SAMD12: variants seen among roughly 807,000 people sequenced by gnomAD.
The protein encoded by SAMD12 is sterile alpha motif domain-containing protein 12.
In SAMD12, 9 loss-of-function variants were observed where a neutral mutation model predicts 15.0. The observed-to-expected ratio is 0.60, with a 90% CI of 0.36 to 1.05. The LOEUF (loss-of-function observed/expected upper bound fraction) is 1.05, where lower values mean the gene tolerates loss of function less well. Among genes scored for constraint, SAMD12 ranks in the 50% least tolerant of loss-of-function variants. The pLI is 0.01. For synonymous variants in SAMD12, 86 were observed against 90.1 expected (o/e 0.96, Z 0.25); for missense variants, 230 against 234.2 (o/e 0.98, Z 0.12).
chr8:118,211,090 G>A (rs1811810286), intron 4 of SAMD12, among the ~76,000 whole-genome samples: 1 of 152,194 alleles, frequency 6.6e-6, no homozygotes. Flanking sequence ...AAGATTCCAG[G>A]GGAGCAGAAG....
chr8:118,444,244 T>C (rs1822838561), intron 2 of SAMD12, among the ~76,000 whole-genome samples: 5 of 152,240 alleles, frequency 3.3e-5, no homozygotes. Context: ...CCAGTTCTTT[T>C]TCTCAATGTT....
intron 4 of SAMD12, among the ~76,000 whole-genome samples, chr8:118,315,963 G>A (rs1376939812): frequency 6.6e-6 from 1 of 152,164 alleles, no homozygotes; most frequent in African/African-American, 2.4e-5. Flanking sequence ...TCTTTTTGAT[G>A]TGAATTACTC....
At chr8:118,332,765 T>C (rs970363254) in intron 4 of SAMD12, among the ~76,000 whole-genome samples, 1 of 152,196 alleles carries the variant, frequency 6.6e-6, no homozygotes, top group Non-Finnish European at 1.5e-5. Context: ...TTAGCCCTCA[T>C]ACTTGCCCCA....
rs35666551 is a variant in SAMD12, at chr8:118,497,782, CT to C, written c.193-57822del. On this transcript the variant is annotated intron_variant, in intron 2 of 3. Coordinates refer to ENST00000314727, the MANE Select transcript of SAMD12 (RefSeq NM_207506.3). The stretch of plus-strand genomic sequence containing the variant: ...AACAGCATTTGAGAACATTTATTTA[CT>C]TTTTTTAAAAAAGATGCCATTTTGA... Among the ~76,000 whole-genome samples the C allele has an allele frequency of 6.6e-3, 980 of 148,266 alleles. 12 individuals are homozygous for C. The highest frequency in any genetic ancestry group is 0.022 in the African/African-American group (884 of 39,400).
intron 4 of SAMD12, among the ~76,000 whole-genome samples, chr8:118,248,187 G>C (rs1586383213): frequency 6.6e-6 from 1 of 152,096 alleles, no homozygotes; most frequent in East Asian, 1.9e-4. Flanking sequence ...TAGGAACTGT[G>C]CTTTGCTTAC....
At chr8:118,483,374 A>G (rs144782619) in intron 2 of SAMD12, among the ~76,000 whole-genome samples, 5 of 152,346 alleles carry the variant, frequency 3.3e-5, no homozygotes, top group East Asian at 1.9e-4. Flanking sequence ...GACTGACATT[A>G]TAAGAACCTT....
intron 4 of SAMD12, among the ~76,000 whole-genome samples, chr8:118,276,143 G>C (rs1256047859): frequency 6.6e-6 from 1 of 152,124 alleles, no homozygotes; most frequent in Non-Finnish European, 1.5e-5. Flanking sequence ...CCAGTTGTTG[G>C]AATAGTGTTC....
At chr8:118,392,855 GT>G (rs1200389698) in intron 3 of SAMD12, among the ~76,000 whole-genome samples, 1 of 151,924 alleles carries the variant, frequency 6.6e-6, no homozygotes, top group Non-Finnish European at 1.5e-5. Flanking sequence ...CCCTACTTGT[GT>G]TAATCAAAAA....
chr8:118,191,797 TATATATATATATATAGAGAGAG>T (rs1563686568), exon 5 of SAMD12: 11 of 45,924 alleles, frequency 2.4e-4, no homozygotes, highest in South Asian at 7.9e-4. Flanking sequence ...TATATATATA[TATATATATATATATAGAGAGAG>T]AGAGAGAGAG....
intron 2 of SAMD12, among the ~76,000 whole-genome samples, chr8:118,575,108 G>C (rs1827114484): frequency 6.6e-6 from 1 of 152,120 alleles, no homozygotes; most frequent in Non-Finnish European, 1.5e-5. Flanking sequence ...TCATTTATCT[G>C]CCTGTGGCTT....
chr8:118,230,249 C>T (rs1267376069), intron 4 of SAMD12, among the ~76,000 whole-genome samples: 2 of 152,116 alleles, frequency 1.3e-5, no homozygotes, highest in Non-Finnish European at 2.9e-5. Flanking sequence ...CTATTCTTGT[C>T]ACAATTTTAG....
chr8:118,477,014 C>T (rs1473976273), intron 2 of SAMD12, among the ~76,000 whole-genome samples: 1 of 151,890 alleles, frequency 6.6e-6, no homozygotes, highest in Non-Finnish European at 1.5e-5. Context: ...CTCTATTCAC[C>T]GGGGTGAATT....
intron 4 of SAMD12, among the ~76,000 whole-genome samples, chr8:118,229,308 T>C (rs1480649139): frequency 6.6e-6 from 1 of 151,574 alleles, no homozygotes; most frequent in Non-Finnish European, 1.5e-5. Flanking sequence ...AATTTAAAAA[T>C]ATATAAATAA....
chr8:118,465,893 C>A (rs966644922), intron 2 of SAMD12, among the ~76,000 whole-genome samples: 8 of 152,080 alleles, frequency 5.3e-5, no homozygotes, highest in East Asian at 1.9e-4. Flanking sequence ...AAACTTTCAA[C>A]ACAAAATCCA....
At chr8:118,400,708 A>C (rs1400326009) in intron 3 of SAMD12, 1 of 152,196 alleles carries the variant, frequency 6.6e-6, no homozygotes, top group East Asian at 1.9e-4. Context: ...AGCAGGATAC[A>C]TGCCTTCAGC....
chr8:118,265,620 G>T (rs1813178383), intron 4 of SAMD12, among the ~76,000 whole-genome samples: 1 of 151,864 alleles, frequency 6.6e-6, no homozygotes, highest in Middle Eastern at 3.4e-3. Flanking sequence ...GTTGGAACTA[G>T]ATTCCCTCTC....
chr8:118,553,495 C>T (rs1291889205), intron 2 of SAMD12, among the ~76,000 whole-genome samples: 1 of 152,160 alleles, frequency 6.6e-6, no homozygotes, highest in Admixed American at 6.5e-5. Context: ...AAAGCTGAAA[C>T]TGGATCCCTT....
intron 3 of SAMD12, among the ~76,000 whole-genome samples, chr8:118,436,937 T>C (rs1822592434): frequency 6.6e-6 from 1 of 152,226 alleles, no homozygotes; most frequent in African/African-American, 2.4e-5. Context: ...CAAGCTGCCA[T>C]GCACCCAGCA....
At chr8:118,344,761 C>T (rs1817549589) in intron 4 of SAMD12, among the ~76,000 whole-genome samples, 1 of 152,218 alleles carries the variant, frequency 6.6e-6, no homozygotes, top group African/African-American at 2.4e-5. Context: ...ATGAAAGGCT[C>T]TCAGCAGGAG....
Sources: allele counts gnomAD v4.1 joint callset (sites outside exome capture counted in the v4.1 genomes callset), GRCh38; gene constraint gnomAD v4.1.1; transcripts MANE v1.5; gene names NCBI Gene and HGNC (gene_info 2026-07-23, HGNC 2026-07-21).